ACSS2: variants seen among roughly 807,000 people sequenced by gnomAD.
The protein encoded by ACSS2 is acyl-CoA synthetase short chain family member 2.
ACSS2 carries 58 observed loss-of-function variants against 90.6 expected under a neutral mutation model. That is an observed-to-expected ratio of 0.64 (90% CI 0.52 to 0.80). The LOEUF (loss-of-function observed/expected upper bound fraction) is 0.80. Among genes scored for constraint, ACSS2 ranks in the 30% least tolerant of loss-of-function variants. The pLI is 0.00. For missense variants in ACSS2, 759 were observed against 912.0 expected (o/e 0.83, Z 2.16); for synonymous variants, 300 against 330.9 (o/e 0.91, Z 1.01).
Position 34,921,396 on chromosome 20 carries a change from A to G in ACSS2, c.1344A>G (p.Leu448=), listed in dbSNP as rs750058464. ...VGEPINPEAW[L]WYHRVVGAQR... is the part of the protein sequence containing the mutation. ...AACCCATCAACCCTGAGGCCTGGCTATGGTACCACCGGGTGGTAGGTGCCC... is the reference window on the plus strand; with the variant it reads ...AACCCATCAACCCTGAGGCCTGGCTGTGGTACCACCGGGTGGTAGGTGCCC... The change falls in exon 11 of 18, where the codon CTA becomes CTG. Residue 448 remains leucine (L), a synonymous_variant. Transcript: ENST00000360596. The G allele has an allele frequency of 1.9e-5, 30 of 1,614,082 alleles. No individual in the cohort carries two copies. Among genetic ancestry groups the G allele is most frequent in the African/African-American group, 5.3e-5 (4 of 74,926 alleles).
chr20:34,916,862 C>A (rs1362970742), intron 7 of ACSS2, among the ~76,000 whole-genome samples: 1 of 152,216 alleles, frequency 6.6e-6, no homozygotes, highest in Non-Finnish European at 1.5e-5. Flanking sequence ...TACATGGCAG[C>A]TGCCCTCCTT....
In ACSS2 at chr20:34,927,372, C is replaced by T. The variant is rs991492182; in HGVS notation, c.*158C>T. Reference sequence around the variant, plus strand: ...CAGCTTTGTCTCCAGGTAGAGACAACATCCTGTGACTGCCAGGCAGAAAGG... The same window carrying T: ...CAGCTTTGTCTCCAGGTAGAGACAATATCCTGTGACTGCCAGGCAGAAAGG... On this transcript the variant is annotated 3_prime_UTR_variant, in exon 18 of 18. Coordinates refer to ENST00000360596, the MANE Select transcript of ACSS2 (RefSeq NM_018677.4). The surrounding 1 kb of genome is among the most constrained non-coding windows in gnomAD (Gnocchi z 4.2). The T allele has an allele frequency of 1.2e-5, 12 of 960,110 alleles. No individual in the cohort carries two copies. The highest frequency in any genetic ancestry group is 9.2e-5 in the South Asian group (6 of 65,338). 59.5% of individuals were successfully genotyped at this position (960,110 alleles called of 1,614,324 possible).
In ACSS2 at chr20:34,919,194, T is replaced by C. The variant is rs374503701; in HGVS notation, c.835-241T>C. On this transcript the variant is annotated intron_variant, in intron 7 of 17. Coordinates refer to ENST00000360596, the MANE Select transcript of ACSS2 (RefSeq NM_018677.4). The stretch of plus-strand genomic sequence containing the variant: ...ACCAGCCAAGGGTTCCTCCTCAGCC[T>C]GAGGCCAGGTGAGAGGAGTTCTGGG... 4.0e-4 allele frequency among the ~76,000 whole-genome samples: 61 copies of C among 152,282 alleles called. No individual in the cohort carries two copies. The Middle Eastern group carries it at 0.014, about 34-fold the overall frequency.
At chr20:34,892,096 G>A (rs1949739795) in intron 2 of ACSS2, among the ~76,000 whole-genome samples, 1 of 152,132 alleles carries the variant, frequency 6.6e-6, no homozygotes. Context: ...AGTTACTTCT[G>A]GCACTGACCT....
intron 2 of ACSS2, among the ~76,000 whole-genome samples, chr20:34,908,456 T>C (rs778340224): frequency 6.6e-6 from 1 of 152,182 alleles, no homozygotes; most frequent in Non-Finnish European, 1.5e-5. Flanking sequence ...ATTAGTATGA[T>C]TGCCTACCTC....
chr20:34,914,198 T>C, intron 6 of ACSS2, 27 bp downstream of exon 6: 4 of 1,613,534 alleles, frequency 2.5e-6, no homozygotes, highest in Non-Finnish European at 3.4e-6. Flanking sequence ...ACTGTCTGAG[T>C]TGACTGAGCC....
At position 34,876,797 on chromosome 20, in the gene ACSS2, A is replaced by C. The variant is rs1422463906; in HGVS notation, c.152A>C (p.His51Pro). The C allele has an allele frequency of 7.5e-7, 1 of 1,325,572 alleles. No homozygotes were observed. The highest frequency in any genetic ancestry group is 9.7e-7 in the Non-Finnish European group (1 of 1,032,724). 82.1% of individuals were successfully genotyped at this position (1,325,572 alleles called of 1,614,324 possible). Residue 51 changes from histidine to proline, a missense_variant, in exon 1 of 18, where the codon CAC (histidine) becomes CCC (proline). His to Pro is a moderately conservative substitution (Grantham distance 77). Coordinates refer to ENST00000360596, the MANE Select transcript of ACSS2 (RefSeq NM_018677.4). ...VPSLQRYREL[H>P]RRSVEEPREF... ...TCGCTGCAGCGCTACCGCGAGCTGC[A>C]CCGGCGCTCCGTGGAGGAGCCGCGG...
At chr20:34,925,334 C>T (rs1410687160) in intron 14 of ACSS2, among the ~76,000 whole-genome samples, 1 of 152,184 alleles carries the variant, frequency 6.6e-6, no homozygotes, top group African/African-American at 2.4e-5. Flanking sequence ...TTCCTCACCT[C>T]ACCATAGGAC....
intron 13 of ACSS2, 37 bp downstream of exon 13, chr20:34,921,903 G>A: frequency 5.0e-6 from 8 of 1,589,350 alleles, no homozygotes; most frequent in Non-Finnish European, 6.8e-6. Context: ...TAAGGAGAGA[G>A]GGAAAGGGTC....
In ACSS2 at chr20:34,898,105, G is replaced by C. The variant is rs189414529; in HGVS notation, c.375-14991G>C. ...TCGCTGGCTCAGGAGTGAACCTGCA[G>C]ACCTTCACAGTGAGTGTTACAGCTC... is the stretch of plus-strand genomic sequence containing the variant. On this transcript the variant is annotated intron_variant, in intron 2 of 17. Coordinates refer to ENST00000360596, the MANE Select transcript of ACSS2 (RefSeq NM_018677.4). Among the ~76,000 whole-genome samples, 4 of 152,312 alleles carry C rather than the reference G, an allele frequency of 2.6e-5. No individual in the cohort carries two copies. The East Asian group carries it at 7.7e-4, about 29-fold the overall frequency.
chr20:34,904,669 G>T (rs904845668), intron 2 of ACSS2, among the ~76,000 whole-genome samples: 8 of 152,260 alleles, frequency 5.3e-5, no homozygotes, highest in African/African-American at 1.4e-4. Context: ...AATCAATAAT[G>T]GGTTAAAGTA....
intron 7 of ACSS2, chr20:34,915,390 A>C (rs2147082162): frequency 2.1e-6 from 2 of 966,802 alleles, no homozygotes; most frequent in Non-Finnish European, 3.3e-6. Flanking sequence ...GGGCAACTTG[A>C]CATCTAAGCC....
chr20:34,922,094 AT>A, intron 13 of ACSS2: 1 of 1,057,314 alleles, frequency 9.5e-7, no homozygotes, highest in Non-Finnish European at 1.2e-6. Flanking sequence ...AGTTGCTCAG[AT>A]TCCTGATGGT....
rs536728064 is a variant in ACSS2, at chr20:34,915,182, C to G, written c.834+745C>G. 5 of 1,613,212 alleles carry G rather than the reference C, an allele frequency of 3.1e-6. No homozygotes were observed. The South Asian group carries it at 5.5e-5, about 18-fold the overall frequency. On this transcript the variant is annotated intron_variant, in intron 7 of 17. Transcript: ENST00000360596. ...CTCCCACTCCCTGTATACTTGGACC[C>G]TCCTCACTACCCTTTTCATCCTGGG... is the stretch of plus-strand genomic sequence containing the variant.
At chr20:34,924,646 T>C (rs566543103) in intron 14 of ACSS2, among the ~76,000 whole-genome samples, 6 of 152,182 alleles carry the variant, frequency 3.9e-5, no homozygotes, top group South Asian at 2.1e-4. Flanking sequence ...GGTGAGGAGT[T>C]TGAATTTTAT....
chr20:34,904,964 C>CTAGA (rs2080761242), intron 2 of ACSS2, among the ~76,000 whole-genome samples: 2 of 127,858 alleles, frequency 1.6e-5, no homozygotes, highest in South Asian at 5.0e-4. Context: ...TGTTGCTAGG[C>CTAGA]TAGAGTATAG....
At chr20:34,926,374 C>T (rs2081318716) in intron 16 of ACSS2, 93 bp downstream of exon 16, 1 of 1,400,466 alleles carries the variant, frequency 7.1e-7, no homozygotes, top group Non-Finnish European at 9.7e-7. Flanking sequence ...GCAAGCTGCT[C>T]CCCAAACCAC....
rs969340970 is a variant in ACSS2 at position 34,882,825 on chromosome 20, C to T, written c.210C>T (p.Tyr70=). 6.2e-7 allele frequency: 1 copy of T among 1,612,114 alleles called. No individual in the cohort carries two copies. Among genetic ancestry groups the T allele is most frequent in the African/African-American group, 1.3e-5 (1 of 74,806 alleles). ...EFWGDIAKEF[Y]WKTPCPGPFL... ...GGGGAGACATTGCCAAGGAATTTTA[C>T]TGGAAGACTCCATGCCCTGGCCCAT... Residue 70 remains tyrosine (Y), a synonymous_variant, in exon 2 of 18, where the codon TAC becomes TAT. Coordinates refer to ENST00000360596, the MANE Select transcript of ACSS2 (RefSeq NM_018677.4).
chr20:34,902,311 T>C (rs1186898146), intron 2 of ACSS2, among the ~76,000 whole-genome samples: 1 of 152,128 alleles, frequency 6.6e-6, no homozygotes, highest in African/African-American at 2.4e-5. Flanking sequence ...ATTAATTCTA[T>C]TAATAATATT....
Sources: allele counts gnomAD v4.1 joint callset (sites outside exome capture counted in the v4.1 genomes callset), GRCh38; gene constraint gnomAD v4.1.1; non-coding constraint Gnocchi (gnomAD v3.1); transcripts MANE v1.5; gene names NCBI Gene and HGNC (gene_info 2026-07-23, HGNC 2026-07-21).